Variants in TDRD15 observed in about 807,000 individuals in gnomAD.
TDRD15 encodes the protein tudor domain-containing protein 15.
For missense variants in TDRD15, 1,416 were observed against 904.7 expected (o/e 1.57, Z -7.25); for synonymous variants, 503 against 314.5 (o/e 1.60, Z -6.34).
chr2:21,142,495 A>G lies in TDRD15; in HGVS notation c.5028A>G (p.Val1676=). ...FLKYLDAVWE[V]EILVDDLLLL... is the part of the protein sequence containing the mutation. ...AATATTTAGATGCTGTTTGGGAAGT[A>G]GAAATTTTGGTAGATGACCTGTTAC... The change falls in exon 4 of 4, where the codon GTA becomes GTG. Residue 1676 remains valine (V), a synonymous_variant. Transcript: ENST00000405799. 1.4e-6 allele frequency: 1 copy of G among 699,094 alleles called. No homozygotes were observed. Among genetic ancestry groups the G allele is most frequent in the Non-Finnish European group, 2.6e-6 (1 of 378,276 alleles). 43.3% of individuals were successfully genotyped at this position (699,094 alleles called of 1,614,324 possible). A position where few individuals can be genotyped will look rare whatever the true frequency, so the allele number is the denominator to read the frequency against.
chr2:21,128,150 G>C (rs1665635074), intron 2 of TDRD15, among the ~76,000 whole-genome samples: 1 of 151,958 alleles, frequency 6.6e-6, no homozygotes, highest in South Asian at 2.1e-4. Flanking sequence ...GTATTTGTTT[G>C]TTCTGGATAT....
chr2:21,139,943 A>G lies in TDRD15; in HGVS notation c.2476A>G (p.Lys826Glu). ...AGCTGCTGTTTTGACTCAAGTATCAAAAGAAGTTGACATAGTGTTTGTTGA... is the reference window on the plus strand; with the variant it reads ...AGCTGCTGTTTTGACTCAAGTATCAGAAGAAGTTGACATAGTGTTTGTTGA... ...CRAAVLTQVS[K>E]EVDIVFVDYG... The change falls in exon 4 of 4, where the codon AAA (lysine) becomes GAA (glutamate). Residue 826 changes from lysine to glutamate, a missense_variant. Physicochemically the swap from Lys to Glu is moderately conservative, Grantham distance 56 (BLOSUM62 1). Coordinates refer to ENST00000405799, the MANE Select transcript of TDRD15 (RefSeq NM_001306137.2). 2.8e-6 allele frequency: 2 copies of G among 716,112 alleles called. No individual in the cohort carries two copies. Among genetic ancestry groups the G allele is most frequent in the Non-Finnish European group, 5.2e-6 (2 of 384,110 alleles). 44.4% of individuals were successfully genotyped at this position (716,112 alleles called of 1,614,324 possible).
At chr2:21,146,529 C>G (rs1390070001), downstream of TDRD15, among the ~76,000 whole-genome samples, 1 of 151,962 alleles carries the variant, frequency 6.6e-6, no homozygotes, top group Non-Finnish European at 1.5e-5. Flanking sequence ...TGCCCACATG[C>G]TTGTTTTTGC....
rs1292161859 is a variant in TDRD15 at position 21,138,557 on chromosome 2, A to G, written c.1090A>G (p.Arg364Gly). Residue 364 changes from arginine to glycine, a missense_variant, in exon 4 of 4, where the codon AGA becomes GGA. Coordinates refer to ENST00000405799, the MANE Select transcript of TDRD15 (RefSeq NM_001306137.2). ...TCTGACATGTTTGCACAGTCCAGAT[A>G]GAGATGCAAGAATATTTCAACTGAG... is the stretch of plus-strand genomic sequence containing the variant. ...CSLTCLHSPD[R>G]DARIFQLSIF... 2 of 715,322 alleles carry G rather than the reference A, an allele frequency of 2.8e-6. No individual in the cohort carries two copies. 44.3% of individuals were successfully genotyped at this position (715,322 alleles called of 1,614,324 possible). A position where few individuals can be genotyped will look rare whatever the true frequency, so the allele number is the denominator to read the frequency against.
chr2:21,131,381 A>G (rs1302834376), intron 2 of TDRD15, among the ~76,000 whole-genome samples: 2 of 152,254 alleles, frequency 1.3e-5, no homozygotes, highest in African/African-American at 4.8e-5. Flanking sequence ...TAGGTAGGCC[A>G]GTGGATTTTA....
At chr2:21,144,970 A>G (rs571574457), downstream of TDRD15, among the ~76,000 whole-genome samples, 46 of 151,994 alleles carry the variant, frequency 3.0e-4, no homozygotes, top group Non-Finnish European at 5.0e-4. Flanking sequence ...CAGTTCTCCC[A>G]AAAAAGAAAA....
downstream of TDRD15, among the ~76,000 whole-genome samples, chr2:21,146,359 T>C (rs981405363): frequency 1.3e-5 from 2 of 152,064 alleles, no homozygotes; most frequent in African/African-American, 4.8e-5. Context: ...ATTTAGAAAA[T>C]TGGCTTAACT....
rs1445429154 is a variant in TDRD15 at position 21,138,868 on chromosome 2, A to G, written c.1401A>G (p.Leu467=). 1 of 715,146 alleles carries G rather than the reference A, an allele frequency of 1.4e-6. No homozygotes were observed. Among genetic ancestry groups the G allele is most frequent in the Non-Finnish European group, 2.6e-6 (1 of 383,922 alleles). The allele number at this position is 715,146 out of a possible 1,614,324, so 44.3% of individuals were successfully genotyped here. ...ACTCTCTAAATAAAAAAGGCATTTT[A>G]AAAGTAGGTTTTCCCATTAAAACAG... ...SIDSLNKKGI[L]KVGFPIKTVQ... Residue 467 remains leucine (L), a synonymous_variant, in exon 4 of 4, where the codon TTA becomes TTG. Transcript: ENST00000405799.
rs538178519 is a variant in TDRD15 at position 21,137,681 on chromosome 2, G to A, written c.214G>A (p.Val72Ile). The A allele has an allele frequency of 8.4e-6, 6 of 714,496 alleles. No homozygotes were observed. The highest frequency in any genetic ancestry group is 7.5e-5 in the South Asian group (5 of 66,980). The allele number at this position is 714,496 out of a possible 1,614,324, so 44.3% of individuals were successfully genotyped here. Residue 72 changes from valine (V) to isoleucine (I), a missense_variant, in exon 4 of 4, where the codon GTA (valine) becomes ATA (isoleucine). By Grantham distance (29) the Val-to-Ile change is conservative (BLOSUM62 3). Transcript: ENST00000405799. ...IDEFCLVEER[V>I]SGEWQRGRVM... The stretch of plus-strand genomic sequence containing the variant: ...TGAATTTTGTTTGGTGGAAGAAAGA[G>A]TATCTGGAGAATGGCAGAGAGGAAG...
At chr2:21,124,287 T>C (rs372361480) in intron 1 of TDRD15, among the ~76,000 whole-genome samples, 3 of 152,094 alleles carry the variant, frequency 2.0e-5, no homozygotes, top group East Asian at 3.9e-4. Flanking sequence ...AATGCAGTTA[T>C]CAGAGATGGG....
chr2:21,142,389 A>G lies in TDRD15; in HGVS notation c.4922A>G (p.Lys1641Arg), dbSNP rs1008124419. Residue 1641 changes from lysine (K) to arginine (R), a missense_variant, in exon 4 of 4, where the codon AAA becomes AGA. Lys to Arg is a conservative substitution (Grantham distance 26, BLOSUM62 2). Transcript: ENST00000405799. ...ATTCCTAGACAAGCTGTACCTTGTA[A>G]ATGGATTTGGTTTGAAAATTCTAAG... Reference protein sequence around the residue: ...RNIPRQAVPCKWIWFENSKNI... With the variant: ...RNIPRQAVPCRWIWFENSKNI... The G allele has an allele frequency of 2.8e-6, 2 of 705,042 alleles. No homozygotes were observed. Among genetic ancestry groups the G allele is most frequent in the Non-Finnish European group, 5.3e-6 (2 of 380,558 alleles). 43.7% of individuals were successfully genotyped at this position (705,042 alleles called of 1,614,324 possible). A position where few individuals can be genotyped will look rare whatever the true frequency, so the allele number is the denominator to read the frequency against.
intron 3 of TDRD15, among the ~76,000 whole-genome samples, 175 bp downstream of exon 3, chr2:21,135,022 GTATAATTATATT>G (rs1329898692): frequency 7.1e-6 from 1 of 141,728 alleles, no homozygotes; most frequent in Non-Finnish European, 1.5e-5. Flanking sequence ...TATAAATTGT[GTATAATTATATT>G]TATACACAAT....
intron 3 of TDRD15, among the ~76,000 whole-genome samples, chr2:21,136,380 C>T (rs927973640): frequency 6.6e-6 from 1 of 151,944 alleles, no homozygotes; most frequent in African/African-American, 2.4e-5. Context: ...TCCCATTATA[C>T]TTTGAAATCT....
At chr2:21,129,560 A>G (rs1665678603) in intron 2 of TDRD15, among the ~76,000 whole-genome samples, 1 of 152,156 alleles carries the variant, frequency 6.6e-6, no homozygotes, top group African/African-American at 2.4e-5. Context: ...TTGTCTTTCC[A>G]TTGTTAAGTT....
Position 21,139,980 on chromosome 2 carries a change from A to C in TDRD15, c.2513A>C (p.Gln838Pro). ...ATAGTGTTTGTTGATTATGGTTACC[A>C]AAAAAGGGTTTTAATTGAAGATCTT... The part of the protein sequence containing the change: ...VDIVFVDYGY[Q>P]KRVLIEDLCA... Residue 838 changes from glutamine to proline, a missense_variant, in exon 4 of 4, where the codon CAA (glutamine) becomes CCA (proline). Coordinates refer to ENST00000405799, the MANE Select transcript of TDRD15 (RefSeq NM_001306137.2). 1 of 715,838 alleles carries C rather than the reference A, an allele frequency of 1.4e-6. No homozygotes were observed. The highest frequency in any genetic ancestry group is 1.5e-5 in the South Asian group (1 of 67,546). The allele number at this position is 715,838 out of a possible 1,614,324, so 44.3% of individuals were successfully genotyped here.
chr2:21,135,427 G>A (rs1665790131), intron 3 of TDRD15, among the ~76,000 whole-genome samples: 1 of 151,340 alleles, frequency 6.6e-6, no homozygotes, highest in African/African-American at 2.4e-5. Flanking sequence ...TTTCATTGTG[G>A]GGCCCTCTGG....
At chr2:21,135,478 T>C (rs1293747505) in intron 3 of TDRD15, among the ~76,000 whole-genome samples, 1 of 151,982 alleles carries the variant, frequency 6.6e-6, no homozygotes, top group Non-Finnish European at 1.5e-5. Flanking sequence ...ATGTGCCAAT[T>C]TATAGAGGCT....
chr2:21,130,017 A>G (rs1207593290), intron 2 of TDRD15, among the ~76,000 whole-genome samples: 2 of 151,942 alleles, frequency 1.3e-5, no homozygotes, highest in South Asian at 2.1e-4. Context: ...AAAACCACCA[A>G]TCCTACTCCC....
chr2:21,135,321 T>G (rs1665788573), intron 3 of TDRD15, among the ~76,000 whole-genome samples: 1 of 151,664 alleles, frequency 6.6e-6, no homozygotes, highest in South Asian at 2.1e-4. Context: ...GGAACTTTCT[T>G]CATGACCCTA....
Sources: allele counts gnomAD v4.1 joint callset (sites outside exome capture counted in the v4.1 genomes callset), GRCh38; gene constraint gnomAD v4.1.1; transcripts MANE v1.5; gene names NCBI Gene and HGNC (gene_info 2026-07-23, HGNC 2026-07-21).